NRG4: variants seen among roughly 807,000 people sequenced by gnomAD.
NRG4 encodes pro-neuregulin-4, membrane-bound isoform.
NRG4 carries 10 observed loss-of-function variants against 15.0 expected under a neutral mutation model. That is an observed-to-expected ratio of 0.67 (90% CI 0.41 to 1.13). The LOEUF is 1.13. Ranked by LOEUF, NRG4 falls within the 50% of genes most tolerant of loss-of-function variation. The pLI, the probability that NRG4 is intolerant of heterozygous loss-of-function variation, is 0.00. For synonymous variants in NRG4, 41 were observed against 50.1 expected (o/e 0.82, Z 0.77); for missense variants, 139 against 140.2 (o/e 0.99, Z 0.04).
chr15:75,949,045 A>T (rs764567093), intron 5 of NRG4, among the ~76,000 whole-genome samples: 58 of 152,298 alleles, frequency 3.8e-4, no homozygotes, highest in Admixed American at 2.2e-3. Context: ...ACAGAGCGAG[A>T]CCCTGTCTCA....
chr15:76,027,554 ATAT>A (rs1212480037), intron 5 of NRG4, among the ~76,000 whole-genome samples: 1 of 152,094 alleles, frequency 6.6e-6, no homozygotes, highest in African/African-American at 2.4e-5. Context: ...TATAAAGCAA[ATAT>A]TATTAGATTT....
chr15:76,035,279 A>G (rs554658352), intron 5 of NRG4, among the ~76,000 whole-genome samples: 2 of 152,338 alleles, frequency 1.3e-5, no homozygotes, highest in Admixed American at 1.3e-4. Flanking sequence ...GAGAGGAGAA[A>G]GAGTAAAGTA....
chr15:75,967,456 ATTTTTTTTTT>A (rs71140189), intron 3 of NRG4, among the ~76,000 whole-genome samples: 1 of 100,178 alleles, frequency 1.0e-5, no homozygotes, highest in African/African-American at 3.6e-5. Flanking sequence ...AAAATCTTAG[ATTTTTTTTTT>A]TTTTTTTTTT....
chr15:76,008,073 G>T (rs11072568), intron 3 of NRG4, among the ~76,000 whole-genome samples: 2,161 of 152,214 alleles, frequency 0.014, 38 homozygotes, highest in Non-Finnish European at 0.017. Flanking sequence ...GATTTCACAG[G>T]TACAAACACT....
At chr15:75,995,101 T>C (rs1200527358) in intron 3 of NRG4, among the ~76,000 whole-genome samples, 4 of 151,682 alleles carry the variant, frequency 2.6e-5, no homozygotes, top group Non-Finnish European at 5.9e-5. Context: ...GGTGGGAGGA[T>C]TGCTTGAACC....
rs1205945709 is a variant in NRG4, at chr15:76,009,180, C to G, written c.104+20G>C. The G allele has an allele frequency of 1.8e-6, 2 of 1,130,662 alleles. No individual in the cohort carries two copies. Among genetic ancestry groups the G allele is most frequent in the Non-Finnish European group, 2.7e-6 (2 of 738,142 alleles). 70.0% of individuals were successfully genotyped at this position (1,130,662 alleles called of 1,614,324 possible). ...AATAAAAAATAAAGTTAACATCTCC[C>G]CCTAGTCCATTTCACTCACCTACAA... On this transcript the variant is annotated intron_variant, in intron 3 of 5. Coordinates refer to ENST00000394907, the MANE Select transcript of NRG4 (RefSeq NM_138573.4).
In NRG4 at chr15:76,021,870, A is replaced by G. The variant is rs115829315; in HGVS notation, c.-56-10584T>C. ...AGTGGTCCCCAGTCTTTTTGGCACCAGGGACCGGTTTCATGGAAGACAATT... is the reference window on the plus strand; with the variant it reads ...AGTGGTCCCCAGTCTTTTTGGCACCGGGGACCGGTTTCATGGAAGACAATT... On this transcript the variant is annotated intron_variant, in intron 5 of 8. Transcript: ENST00000563910. Among the ~76,000 whole-genome samples, 1,055 of 152,316 alleles carry G rather than the reference A, an allele frequency of 6.9e-3. 18 individuals carry two copies. The highest frequency in any genetic ancestry group is 0.023 in the African/African-American group (966 of 41,566).
intron 3 of NRG4, among the ~76,000 whole-genome samples, chr15:75,966,271 C>A (rs2032790641): frequency 6.6e-6 from 1 of 152,156 alleles, no homozygotes; most frequent in South Asian, 2.1e-4. Flanking sequence ...AACAGAGCAC[C>A]ATTTAGCTTC....
chr15:75,999,253 G>A (rs1026128990), intron 3 of NRG4, among the ~76,000 whole-genome samples: 1 of 152,094 alleles, frequency 6.6e-6, no homozygotes, highest in African/African-American at 2.4e-5. Context: ...ATTATAATGG[G>A]AATTATGATC....
At chr15:75,970,548 T>TG (rs1345556257) in intron 3 of NRG4, among the ~76,000 whole-genome samples, 1 of 152,238 alleles carries the variant, frequency 6.6e-6, no homozygotes, top group Non-Finnish European at 1.5e-5. Context: ...GGGCAGTTAC[T>TG]GGTTGGGAAT....
intron 5 of NRG4, among the ~76,000 whole-genome samples, chr15:76,019,352 G>A (rs1486646733): frequency 1.3e-5 from 2 of 152,064 alleles, no homozygotes; most frequent in Non-Finnish European, 2.9e-5. Context: ...GTTCTGTCTC[G>A]CTGGTGTTCC....
At chr15:75,956,072 G>T in intron 4 of NRG4, 61 bp from the exon 5 acceptor site, 2 of 917,222 alleles carry the variant, frequency 2.2e-6, no homozygotes, top group Middle Eastern at 4.3e-4. Flanking sequence ...CATGTCAGAA[G>T]ACCTAGAAAG....
At chr15:76,001,562 C>A (rs932596113) in intron 3 of NRG4, among the ~76,000 whole-genome samples, 2 of 152,116 alleles carry the variant, frequency 1.3e-5, no homozygotes, top group Admixed American at 6.5e-5. Flanking sequence ...TGGGACCACA[C>A]AAGTATACAA....
chr15:75,967,535 C>T lies in NRG4; in HGVS notation c.105-5561G>A, dbSNP rs374952707. On this transcript the variant is annotated intron_variant, in intron 3 of 5. Transcript: ENST00000394907. ...GGAGTGGAATGGTGTGATCTCAGCT[C>T]ACTGCAACCTCTGCCTTCTGAGTTC... 5.7e-5 allele frequency among the ~76,000 whole-genome samples: 8 copies of T among 141,200 alleles called. 1 individual carries two copies. In the East Asian group the frequency reaches 1.1e-3, roughly 19 times the overall value. 92.6% of individuals were successfully genotyped at this position (141,200 alleles called of 152,430 possible). A position where few individuals can be genotyped will look rare whatever the true frequency, so the allele number is the denominator to read the frequency against.
At chr15:76,020,141 T>A (rs1182342688) in intron 5 of NRG4, among the ~76,000 whole-genome samples, 1 of 152,198 alleles carries the variant, frequency 6.6e-6, no homozygotes, top group Non-Finnish European at 1.5e-5. Context: ...GAGAACTTAA[T>A]CGATAAATCT....
chr15:76,035,559 C>T (rs746582254), intron 5 of NRG4, among the ~76,000 whole-genome samples: 2 of 151,588 alleles, frequency 1.3e-5, no homozygotes, highest in African/African-American at 2.4e-5. Context: ...ATTTCAGACT[C>T]GGTAACAGAA....
At chr15:75,965,141 C>T (rs1000515862) in intron 3 of NRG4, among the ~76,000 whole-genome samples, 20 of 151,666 alleles carry the variant, frequency 1.3e-4, no homozygotes, top group Non-Finnish European at 2.1e-4. Context: ...AGGAGAATGG[C>T]GTGAACCCGG....
At chr15:76,032,416 G>A (rs777723387) in intron 5 of NRG4, among the ~76,000 whole-genome samples, 1 of 152,034 alleles carries the variant, frequency 6.6e-6, no homozygotes, top group Non-Finnish European at 1.5e-5. Context: ...AGAATATTCA[G>A]TGTCAGGACC....
intron 4 of NRG4, among the ~76,000 whole-genome samples, chr15:76,047,789 T>C (rs1287657729): frequency 6.6e-6 from 1 of 151,160 alleles, no homozygotes; most frequent in East Asian, 1.9e-4. Context: ...TGTAAAATGA[T>C]TTAATAATAA....
Sources: allele counts gnomAD v4.1 joint callset (sites outside exome capture counted in the v4.1 genomes callset), GRCh38; gene constraint gnomAD v4.1.1; transcripts MANE v1.5; gene names NCBI Gene and HGNC (gene_info 2026-07-23, HGNC 2026-07-21).